SPECC1: variants seen among roughly 807,000 people sequenced by gnomAD.
SPECC1 encodes cytospin-B.
A neutral mutation model predicts 104.1 loss-of-function variants in SPECC1; 62 were observed. The observed-to-expected ratio is 0.60, with a 90% CI of 0.49 to 0.74. The LOEUF (loss-of-function observed/expected upper bound fraction) is 0.74. Among genes scored for constraint, SPECC1 ranks in the 30% least tolerant of loss-of-function variants. The probability of loss-of-function intolerance (pLI) is 0.00; values close to 1 mark genes in which losing one functional copy is unlikely to be tolerated. For missense variants in SPECC1, 1,306 were observed against 1,310.5 expected, an observed-to-expected ratio of 1.00 and a Z score of 0.05; for synonymous variants, 513 against 501.6, an observed-to-expected ratio of 1.02 and a Z score of -0.30.
At position 20,114,503 on chromosome 17, in the gene SPECC1, G is replaced by GTT. The variant is rs112596381; in HGVS notation, c.283+3951_283+3952dup. Among the ~76,000 whole-genome samples the GTT allele has an allele frequency of 4.2e-4, 56 of 134,456 alleles. 1 individual carries two copies. The highest frequency in any genetic ancestry group is 1.5e-3 in the African/African-American group (53 of 36,092). 88.2% of individuals were successfully genotyped at this position (134,456 alleles called of 152,430 possible). On this transcript the variant is annotated intron_variant, in intron 3 of 14. Coordinates refer to ENST00000395527, the MANE Select transcript of SPECC1 (RefSeq NM_001243439.2). ...TGGCGCCCAGCCTGTTTTTTTTTTT[G>GTT]TTTTTTTTTTTAGTGAAATTTAGCC...
chr17:20,110,774 G>A (rs376140715), intron 3 of SPECC1, among the ~76,000 whole-genome samples: 23 of 152,238 alleles, frequency 1.5e-4, no homozygotes, highest in Middle Eastern at 3.4e-3. Flanking sequence ...AAAGGTAACT[G>A]GGCGTGCTGT....
intron 1 of SPECC1, among the ~76,000 whole-genome samples, chr17:20,021,302 A>G (rs1180324097): frequency 6.6e-6 from 1 of 152,074 alleles, no homozygotes; most frequent in African/African-American, 2.4e-5. Flanking sequence ...GTGTGCATCT[A>G]TTTTTAATTT....
intron 3 of SPECC1, among the ~76,000 whole-genome samples, chr17:20,157,641 T>C (rs1402030069): frequency 1.3e-5 from 2 of 152,230 alleles, no homozygotes; most frequent in Non-Finnish European, 2.9e-5. Flanking sequence ...GAGTTACTCT[T>C]GTTACAGCTT....
At chr17:20,021,660 G>GATATATAT (rs34412987) in intron 1 of SPECC1, among the ~76,000 whole-genome samples, 2 of 140,650 alleles carry the variant, frequency 1.4e-5, no homozygotes, top group South Asian at 2.1e-4. Context: ...CCAAGGCTCT[G>GATATATAT]ATATATATAT....
chr17:20,073,939 G>T (rs1171417820), intron 1 of SPECC1, among the ~76,000 whole-genome samples: 1 of 152,174 alleles, frequency 6.6e-6, no homozygotes, highest in Admixed American at 6.5e-5. Flanking sequence ...GAAAGAAAAT[G>T]ATCTTTTCTC....
At chr17:20,037,810 T>C (rs1298689956) in intron 1 of SPECC1, among the ~76,000 whole-genome samples, 3 of 152,182 alleles carry the variant, frequency 2.0e-5, no homozygotes, top group Non-Finnish European at 4.4e-5. Context: ...TACATACATC[T>C]CTTTAGCTGC....
rs2042002845 is a variant in SPECC1, at chr17:20,314,173, C to G, written c.*108C>G. 2 of 920,012 alleles carry G rather than the reference C, an allele frequency of 2.2e-6. No homozygotes were observed. Among genetic ancestry groups the G allele is most frequent in the Non-Finnish European group, 3.4e-6 (2 of 583,772 alleles). The allele number at this position is 920,012 out of a possible 1,614,324, so 57.0% of individuals were successfully genotyped here. ...TCTGCCCACCACCCAGCTGCCTAGACTTCAAAGACAGGCTCAATCCAAGTG... is the reference window on the plus strand; with the variant it reads ...TCTGCCCACCACCCAGCTGCCTAGAGTTCAAAGACAGGCTCAATCCAAGTG... On this transcript the variant is annotated 3_prime_UTR_variant, in exon 15 of 15. Coordinates refer to ENST00000395527, the MANE Select transcript of SPECC1 (RefSeq NM_001243439.2).
intron 1 of SPECC1, among the ~76,000 whole-genome samples, chr17:20,088,688 G>A (rs905175249): frequency 6.6e-6 from 1 of 152,192 alleles, no homozygotes; most frequent in Non-Finnish European, 1.5e-5. Flanking sequence ...ACGCTGCAGG[G>A]TAAGGGGTCA....
At chr17:20,185,768 C>T (rs1294732374) in intron 3 of SPECC1, among the ~76,000 whole-genome samples, 1 of 152,176 alleles carries the variant, frequency 6.6e-6, no homozygotes, top group African/African-American at 2.4e-5. Flanking sequence ...TTGATGGTCC[C>T]ATGAACCAGA....
At chr17:20,216,641 C>G (rs931996536) in intron 4 of SPECC1, among the ~76,000 whole-genome samples, 2 of 152,150 alleles carry the variant, frequency 1.3e-5, no homozygotes, top group African/African-American at 4.8e-5. Flanking sequence ...CCTTGGGCAC[C>G]TGATGGAAAG....
Position 20,204,422 on chromosome 17 carries a change from C to G in SPECC1, c.373C>G (p.Pro125Ala). Residue 125 changes from proline to alanine, a missense_variant, in exon 4 of 15, where the codon CCC becomes GCC. Transcript: ENST00000395527. ...VSRERSVPRG[P>A]SNPRKSVSSP... ...AAGAGAGAGGTCTGTGCCACGTGGT[C>G]CCTCCAACCCCAGGAAATCAGTGTC... 6.2e-7 allele frequency: 1 copy of G among 1,614,116 alleles called. No homozygotes were observed. The highest frequency in any genetic ancestry group is 1.3e-5 in the African/African-American group (1 of 75,006).
intron 3 of SPECC1, among the ~76,000 whole-genome samples, chr17:20,124,292 AC>A (rs1684622285): frequency 6.6e-6 from 1 of 152,118 alleles, no homozygotes; most frequent in East Asian, 1.9e-4. Context: ...GTACAGCGAG[AC>A]CTTCAGTTTG....
chr17:20,209,952 C>T (rs934706147), intron 4 of SPECC1, among the ~76,000 whole-genome samples: 2 of 152,160 alleles, frequency 1.3e-5, no homozygotes, highest in Admixed American at 1.3e-4. Flanking sequence ...AATCTTAGTT[C>T]TTTCTGCAGA....
chr17:20,211,234 T>A (rs1423082007), intron 4 of SPECC1, among the ~76,000 whole-genome samples: 1 of 152,132 alleles, frequency 6.6e-6, no homozygotes, highest in Non-Finnish European at 1.5e-5. Context: ...ACATGGAGAT[T>A]TCAGTCATCT....
In SPECC1 at chr17:20,232,398, G is replaced by T. The variant is rs1219880013; in HGVS notation, c.2344G>T (p.Ala782Ser). 2 of 1,606,508 alleles carry T rather than the reference G, an allele frequency of 1.2e-6. No homozygotes were observed. The highest frequency in any genetic ancestry group is 1.3e-5 in the African/African-American group (1 of 74,942). ...GHGRVVTSRA[A>S]PPPVDEEPES... The stretch of plus-strand genomic sequence containing the variant: ...CGGCAGGGTGGTCACCAGCAGAGCC[G>T]CCCCTCCGTGAGTCTGGTGGGCACC... Residue 782 changes from alanine (A) to serine (S), a missense_variant, in exon 7 of 15, where the codon GCC becomes TCC. By Grantham distance (99) the Ala-to-Ser change is moderately conservative. Coordinates refer to ENST00000395527, the MANE Select transcript of SPECC1 (RefSeq NM_001243439.2).
chr17:20,114,449 CA>C (rs2048653695), intron 3 of SPECC1, among the ~76,000 whole-genome samples: 1 of 151,962 alleles, frequency 6.6e-6, no homozygotes, highest in Admixed American at 6.6e-5. Flanking sequence ...CTTAGCCTCC[CA>C]AAGTGCTGAG....
At chr17:20,057,751 C>G (rs2046024368) in intron 1 of SPECC1, 1 of 152,010 alleles carries the variant, frequency 6.6e-6, no homozygotes, top group Non-Finnish European at 1.5e-5. Flanking sequence ...CTTGGCCTCC[C>G]AAAGTGCTGA....
intron 3 of SPECC1, among the ~76,000 whole-genome samples, chr17:20,126,745 C>A (rs972290797): frequency 6.6e-6 from 1 of 152,206 alleles, no homozygotes; most frequent in African/African-American, 2.4e-5. Context: ...GACTTGCTCT[C>A]ACTTTACTGT....
intron 14 of SPECC1, among the ~76,000 whole-genome samples, chr17:20,306,871 C>A (rs2041782634): frequency 2.0e-5 from 3 of 152,072 alleles, no homozygotes; most frequent in Admixed American, 2.0e-4. Flanking sequence ...TTGAGCTAGT[C>A]AGCAGATATA....
Sources: gnomAD v4.1 joint callset for allele counts (sites outside exome capture counted in the v4.1 genomes callset) on GRCh38, gnomAD v4.1.1 for gene constraint, MANE v1.5 for transcripts, NCBI Gene and HGNC (gene_info 2026-07-23, HGNC 2026-07-21) for gene names.